PPP1R9A: variants seen among roughly 807,000 people sequenced by gnomAD.
PPP1R9A encodes neurabin-1.
Under a neutral mutation model 141.9 loss-of-function variants are expected in PPP1R9A, and 59 were observed. The ratio of observed to expected loss-of-function variants is 0.42; its 90% CI spans 0.34 to 0.52. The LOEUF is 0.52. PPP1R9A is among the 20% of genes least tolerant of loss of function. The pLI, the probability that PPP1R9A is intolerant of heterozygous loss-of-function variation, is 0.10. For synonymous variants in PPP1R9A, 500 were observed against 569.7 expected (o/e 0.88, Z 1.74); for missense variants, 1,444 against 1,611.9 (o/e 0.90, Z 1.78).
intron 7 of PPP1R9A, among the ~76,000 whole-genome samples, chr7:95,219,824 T>G (rs1794142044): frequency 6.6e-6 from 1 of 152,136 alleles, no homozygotes; most frequent in African/African-American, 2.4e-5. Flanking sequence ...TTACTTACTG[T>G]TATGCAACTG....
intron 8 of PPP1R9A, among the ~76,000 whole-genome samples, chr7:95,243,405 A>G (rs1025665479): frequency 6.6e-6 from 1 of 152,098 alleles, no homozygotes; most frequent in African/African-American, 2.4e-5. Context: ...AGGCCAATTG[A>G]TTATTAAGGG....
At chr7:95,258,723 G>A (rs559903826) in intron 12 of PPP1R9A, among the ~76,000 whole-genome samples, 11 of 152,208 alleles carry the variant, frequency 7.2e-5, no homozygotes, top group East Asian at 1.9e-4. Context: ...GTTCACAAAA[G>A]CAGGAACCTA....
intron 2 of PPP1R9A, among the ~76,000 whole-genome samples, chr7:95,026,830 A>T (rs968149743): frequency 6.6e-6 from 1 of 151,982 alleles, no homozygotes; most frequent in African/African-American, 2.4e-5. Flanking sequence ...GGCTTTGCTG[A>T]GGTGTGGAAA....
chr7:95,053,978 G>T (rs913779559), intron 2 of PPP1R9A, among the ~76,000 whole-genome samples: 1 of 152,132 alleles, frequency 6.6e-6, no homozygotes, highest in African/African-American at 2.4e-5. Context: ...TAAAAAGAAA[G>T]AAATGTTAAA....
intron 2 of PPP1R9A, among the ~76,000 whole-genome samples, chr7:94,932,017 A>G (rs968267516): frequency 6.6e-6 from 1 of 152,158 alleles, no homozygotes; most frequent in East Asian, 1.9e-4. Context: ...GGCTCTGGGT[A>G]TTAGCTTCAC....
At chr7:95,130,277 G>A (rs866083102) in intron 4 of PPP1R9A, among the ~76,000 whole-genome samples, 1 of 152,160 alleles carries the variant, frequency 6.6e-6, no homozygotes, top group Non-Finnish European at 1.5e-5. Flanking sequence ...GGTAGCTAGC[G>A]CTTGGGCTGT....
chr7:94,973,019 A>G (rs1431498887), intron 2 of PPP1R9A, among the ~76,000 whole-genome samples: 1 of 152,004 alleles, frequency 6.6e-6, no homozygotes, highest in Non-Finnish European at 1.5e-5. Flanking sequence ...TGGACACAAT[A>G]TATTTTTAAA....
chr7:95,268,830 T>C, intron 13 of PPP1R9A, 123 bp downstream of exon 13: 2 of 1,152,696 alleles, frequency 1.7e-6, no homozygotes, highest in East Asian at 5.0e-5. Context: ...GCAGCTAGAA[T>C]AGTTCACGTC....
intron 5 of PPP1R9A, among the ~76,000 whole-genome samples, chr7:95,190,841 T>A (rs1667787131): frequency 6.6e-6 from 1 of 152,212 alleles, no homozygotes; most frequent in South Asian, 2.1e-4. Flanking sequence ...TCTGTCCAAG[T>A]GGGAGCTGCA....
At chr7:95,181,386 TAG>T (rs1014242724) in intron 5 of PPP1R9A, among the ~76,000 whole-genome samples, 2 of 137,738 alleles carry the variant, frequency 1.5e-5, no homozygotes, top group African/African-American at 5.4e-5. Flanking sequence ...ATAGAGAGAA[TAG>T]AGAGAATATA....
At chr7:94,977,699 GT>G (rs1799611169) in intron 2 of PPP1R9A, among the ~76,000 whole-genome samples, 2 of 151,726 alleles carry the variant, frequency 1.3e-5, no homozygotes, top group Non-Finnish European at 2.9e-5. Flanking sequence ...TATAGAGAAT[GT>G]TATGGTGATA....
At chr7:95,143,973 A>G (rs1277959701) in intron 4 of PPP1R9A, among the ~76,000 whole-genome samples, 2 of 152,142 alleles carry the variant, frequency 1.3e-5, no homozygotes, top group African/African-American at 4.8e-5. Flanking sequence ...TAACATATTC[A>G]TCAGCTCACA....
intron 3 of PPP1R9A, among the ~76,000 whole-genome samples, chr7:95,116,110 A>G (rs1359928222): frequency 6.6e-6 from 1 of 152,130 alleles, no homozygotes; most frequent in East Asian, 1.9e-4. Context: ...TTAAAGAAAG[A>G]CTGTAAATTA....
intron 4 of PPP1R9A, among the ~76,000 whole-genome samples, chr7:95,159,484 A>T (rs1830122077): frequency 6.6e-6 from 1 of 152,192 alleles, no homozygotes. Flanking sequence ...TTACATAGGT[A>T]TACATGTGCC....
At chr7:95,276,641 G>T (rs1162978480) in intron 16 of PPP1R9A, among the ~76,000 whole-genome samples, 1 of 152,080 alleles carries the variant, frequency 6.6e-6, no homozygotes, top group African/African-American at 2.4e-5. Flanking sequence ...GTGTGAGATG[G>T]CCTCCCTCAA....
chr7:95,019,561 A>G (rs371125420), intron 2 of PPP1R9A, among the ~76,000 whole-genome samples: 87 of 152,322 alleles, frequency 5.7e-4, no homozygotes, highest in African/African-American at 1.9e-3. Context: ...TAATAATAAC[A>G]GGACAATCCA....
chr7:95,059,551 A>G (rs757381051), intron 2 of PPP1R9A, among the ~76,000 whole-genome samples: 2 of 152,196 alleles, frequency 1.3e-5, no homozygotes, highest in Non-Finnish European at 2.9e-5. Context: ...TGTTAAACAT[A>G]TGTCCCAAAA....
chr7:94,980,757 A>G (rs1800012353), intron 2 of PPP1R9A, among the ~76,000 whole-genome samples: 1 of 152,162 alleles, frequency 6.6e-6, no homozygotes, highest in Non-Finnish European at 1.5e-5. Flanking sequence ...GTGTACATAA[A>G]AATAACTTCT....
intron 2 of PPP1R9A, among the ~76,000 whole-genome samples, chr7:94,996,133 A>G (rs545866117): frequency 6.6e-6 from 1 of 152,270 alleles, no homozygotes; most frequent in Admixed American, 6.5e-5. Context: ...GGGGAAAAAA[A>G]TGTACCTTGA....
Sources: allele counts gnomAD v4.1 joint callset (sites outside exome capture counted in the v4.1 genomes callset), GRCh38; gene constraint gnomAD v4.1.1; transcripts MANE v1.5; gene names NCBI Gene and HGNC (gene_info 2026-07-23, HGNC 2026-07-21).